PAG1: variants seen among roughly 807,000 people sequenced by gnomAD.
PAG1 encodes the protein phosphoprotein associated with glycosphingolipid-enriched microdomains 1.
A neutral mutation model predicts 31.7 loss-of-function variants in PAG1; 23 were observed. That is an observed-to-expected ratio of 0.73 (90% CI 0.52 to 1.03). PAG1 has a LOEUF of 1.03. Among genes scored for constraint, PAG1 ranks in the 50% least tolerant of loss-of-function variants. The probability of loss-of-function intolerance (pLI) is 0.00; values close to 1 mark genes in which losing one functional copy is unlikely to be tolerated. For missense variants in PAG1, 473 were observed against 540.7 expected (o/e 0.87, Z 1.24); for synonymous variants, 214 against 210.3 (o/e 1.02, Z -0.15).
chr8:81,085,192 T>C (rs1333988761), intron 1 of PAG1, among the ~76,000 whole-genome samples: 2 of 152,198 alleles, frequency 1.3e-5, no homozygotes, highest in Non-Finnish European at 2.9e-5. Flanking sequence ...GGCTAGACTC[T>C]AAATTCATCA....
At chr8:81,018,588 T>A (rs530030161) in intron 3 of PAG1, among the ~76,000 whole-genome samples, 13 of 152,338 alleles carry the variant, frequency 8.5e-5, no homozygotes, top group Non-Finnish European at 1.8e-4. Flanking sequence ...TGATGGTGAA[T>A]GGGTCTCATG....
At chr8:80,983,250 T>C (rs1478689920) in intron 7 of PAG1, among the ~76,000 whole-genome samples, 1 of 152,192 alleles carries the variant, frequency 6.6e-6, no homozygotes, top group Non-Finnish European at 1.5e-5. Flanking sequence ...CTCACCCCCT[T>C]GGATCCTTTA....
chr8:81,052,965 C>T (rs1808756990), intron 2 of PAG1, among the ~76,000 whole-genome samples: 1 of 152,186 alleles, frequency 6.6e-6, no homozygotes, highest in African/African-American at 2.4e-5. Context: ...TATTTATTAT[C>T]CCCACTAATC....
chr8:81,014,860 C>T (rs147063020), intron 3 of PAG1, among the ~76,000 whole-genome samples: 3 of 152,070 alleles, frequency 2.0e-5, no homozygotes, highest in African/African-American at 4.8e-5. Context: ...TGCAATCGGG[C>T]GGATAGAGGG....
chr8:81,015,757 G>A (rs1342266412), intron 3 of PAG1, among the ~76,000 whole-genome samples: 1 of 152,190 alleles, frequency 6.6e-6, no homozygotes, highest in Non-Finnish European at 1.5e-5. Context: ...GGTAGGTATA[G>A]AAGATTCCCT....
intron 2 of PAG1, among the ~76,000 whole-genome samples, 196 bp from the exon 3 acceptor site, chr8:81,030,285 T>A (rs994752061): frequency 1.3e-5 from 2 of 152,146 alleles, no homozygotes; most frequent in Non-Finnish European, 2.9e-5. Flanking sequence ...AATAAAAAAA[T>A]TTCAATAAAG....
At chr8:81,064,471 T>C (rs1292375292) in intron 2 of PAG1, among the ~76,000 whole-genome samples, 1 of 152,148 alleles carries the variant, frequency 6.6e-6, no homozygotes, top group Non-Finnish European at 1.5e-5. Flanking sequence ...TAGGAGTGCA[T>C]AATTAATTAA....
chr8:81,037,344 T>G (rs1808478130), intron 2 of PAG1: 1 of 152,222 alleles, frequency 6.6e-6, no homozygotes, highest in African/African-American at 2.4e-5. Context: ...CTTCTATTTC[T>G]AAGCATGCTA....
At chr8:80,980,212 C>G (rs1455544117) in intron 8 of PAG1, among the ~76,000 whole-genome samples, 2 of 152,180 alleles carry the variant, frequency 1.3e-5, no homozygotes, top group Non-Finnish European at 2.9e-5. Context: ...TGCTCAGTTT[C>G]TTTTCCTGAG....
At chr8:81,045,600 T>TA (rs1191767190) in intron 2 of PAG1, among the ~76,000 whole-genome samples, 1 of 152,194 alleles carries the variant, frequency 6.6e-6, no homozygotes, top group Non-Finnish European at 1.5e-5. Flanking sequence ...GAGAATGTTC[T>TA]AAAATTGATT....
chr8:81,083,976 A>G (rs1809310436), intron 1 of PAG1, among the ~76,000 whole-genome samples: 1 of 152,000 alleles, frequency 6.6e-6, no homozygotes, highest in African/African-American at 2.4e-5. Flanking sequence ...TGGAGGTTGT[A>G]GTGAGCCAAG....
At chr8:80,989,369 C>T (rs962296846) in intron 5 of PAG1, among the ~76,000 whole-genome samples, 1 of 152,132 alleles carries the variant, frequency 6.6e-6, no homozygotes, top group Non-Finnish European at 1.5e-5. Context: ...GCTGAAGTTA[C>T]CATAATCTAG....
chr8:80,975,395 G>A lies in PAG1; in HGVS notation c.*1149C>T, dbSNP rs1383024433. 6.6e-6 allele frequency: 1 copy of A among 152,116 alleles called. No individual in the cohort carries two copies. The highest frequency in any genetic ancestry group is 2.4e-5 in the African/African-American group (1 of 41,396). The allele number at this position is 152,116 out of a possible 1,614,324, so 9.4% of individuals were successfully genotyped here. A position where few individuals can be genotyped will look rare whatever the true frequency, so the allele number is the denominator to read the frequency against. On this transcript the variant is annotated 3_prime_UTR_variant, in exon 9 of 9. Coordinates refer to ENST00000220597, the MANE Select transcript of PAG1 (RefSeq NM_018440.4). The stretch of plus-strand genomic sequence containing the variant: ...TTTCAAAAGGAGAGTATAAATCATT[G>A]TACATAAAATCAAAATAGCTAATAT...
At position 80,971,697 on chromosome 8, in the gene PAG1, T is replaced by C. The variant is rs150585143; in HGVS notation, c.*4847A>G. 2.2e-3 allele frequency: 336 copies of C among 152,300 alleles called. 2 individuals are homozygous for C. Among genetic ancestry groups the C allele is most frequent in the African/African-American group, 7.5e-3 (311 of 41,562 alleles). 9.4% of individuals were successfully genotyped at this position (152,300 alleles called of 1,614,324 possible). ...TTAAAAAATGTCTTTTAAGCAAAAA[T>C]TGTATTTCTCTTTTCATGTTACATT... On this transcript the variant is annotated 3_prime_UTR_variant, in exon 9 of 9. Coordinates refer to ENST00000220597, the MANE Select transcript of PAG1 (RefSeq NM_018440.4).
At chr8:81,068,600 C>T (rs1399136328) in intron 2 of PAG1, among the ~76,000 whole-genome samples, 3 of 152,162 alleles carry the variant, frequency 2.0e-5, no homozygotes, top group Admixed American at 1.3e-4. Flanking sequence ...TTCATGAATT[C>T]TATCTTCTTT....
intron 3 of PAG1, among the ~76,000 whole-genome samples, chr8:80,999,294 C>T (rs1316094968): frequency 1.3e-5 from 2 of 152,216 alleles, no homozygotes; most frequent in Admixed American, 6.5e-5. Context: ...CTTTTGCCTA[C>T]ACATGATTGT....
At chr8:81,101,045 C>T (rs1809603232) in intron 1 of PAG1, among the ~76,000 whole-genome samples, 1 of 152,158 alleles carries the variant, frequency 6.6e-6, no homozygotes, top group African/African-American at 2.4e-5. Flanking sequence ...ATGTGACATG[C>T]CACTATTAGC....
intron 1 of PAG1, among the ~76,000 whole-genome samples, chr8:81,089,611 A>T (rs1809414889): frequency 1.3e-5 from 2 of 152,024 alleles, no homozygotes; most frequent in South Asian, 4.1e-4. Flanking sequence ...AGGGAACATG[A>T]ACTGTTCATA....
In PAG1 at chr8:81,091,838, AAG is replaced by A. The variant is rs1342281142; in HGVS notation, c.-234+19751_-234+19752del. On this transcript the variant is annotated intron_variant, in intron 1 of 8. Coordinates refer to ENST00000220597, the MANE Select transcript of PAG1 (RefSeq NM_018440.4). ...AGGATGAAGAAAGAAGAAGAAGAAG[AAG>A]AAGAAAAAAAAACACCCTGTCCAGG... Among the ~76,000 whole-genome samples, 1,238 of 151,988 alleles carry A rather than the reference AAG, an allele frequency of 8.1e-3. 19 individuals are homozygous for A. The highest frequency in any genetic ancestry group is 0.028 in the African/African-American group (1,178 of 41,436).
Sources: gnomAD v4.1 joint callset for allele counts (sites outside exome capture counted in the v4.1 genomes callset) on GRCh38, gnomAD v4.1.1 for gene constraint, MANE v1.5 for transcripts, NCBI Gene and HGNC (gene_info 2026-07-23, HGNC 2026-07-21) for gene names.